LATS1: variants seen among roughly 807,000 people sequenced by gnomAD.
LATS1 encodes large tumor suppressor kinase 1.
LATS1 carries 25 observed loss-of-function variants against 106.6 expected under a neutral mutation model. That is an observed-to-expected ratio of 0.23 (90% CI 0.17 to 0.33). The LOEUF (loss-of-function observed/expected upper bound fraction) is 0.33, where lower values mean the gene tolerates loss of function less well. LATS1 is among the 10% of genes least tolerant of loss of function. The pLI, the probability that LATS1 is intolerant of heterozygous loss-of-function variation, is 1.00. For missense variants in LATS1, 1,040 were observed against 1,382.6 expected, an observed-to-expected ratio of 0.75 and a Z score of 3.93; for synonymous variants, 465 against 455.6, an observed-to-expected ratio of 1.02 and a Z score of -0.26.
rs536374549 is a variant in LATS1, at chr6:149,661,320, G to A, written c.*409C>T. 2.1e-5 allele frequency: 5 copies of A among 234,302 alleles called. No individual in the cohort carries two copies. The highest frequency in any genetic ancestry group is 1.1e-4 in the African/African-American group (5 of 45,244). 14.5% of individuals were successfully genotyped at this position (234,302 alleles called of 1,614,324 possible). ...AAAAAAGAGCTCTGTAAAATAGGGGGTATGTTTCATATTTGGTTAAAGCAA... is the reference window on the plus strand; with the variant it reads ...AAAAAAGAGCTCTGTAAAATAGGGGATATGTTTCATATTTGGTTAAAGCAA... On this transcript the variant is annotated 3_prime_UTR_variant, in exon 8 of 8. Transcript: ENST00000543571.
rs1311547992 is a variant in LATS1 at position 149,683,916 on chromosome 6, T to C, written c.1173A>G (p.Thr391=). The C allele has an allele frequency of 4.3e-6, 7 of 1,613,862 alleles. No individual in the cohort carries two copies. The highest frequency in any genetic ancestry group is 5.1e-6 in the Non-Finnish European group (6 of 1,179,936). Residue 391 remains threonine, a synonymous_variant, in exon 4 of 8, where the codon ACA becomes ACG. Coordinates refer to ENST00000543571, the MANE Select transcript of LATS1 (RefSeq NM_004690.4). The part of the protein sequence containing the change: ...ANGQSPSALQ[T]GGSAAPSSYT... ...ATGACGAAGGAGCAGCAGATCCCCC[T>C]GTTTGTAAAGCAGAAGGGCTTTGTC... is the stretch of plus-strand genomic sequence containing the variant.
At chr6:149,677,638 G>A (rs961361593) in intron 5 of LATS1, among the ~76,000 whole-genome samples, 1 of 152,172 alleles carries the variant, frequency 6.6e-6, no homozygotes, top group South Asian at 2.1e-4. Context: ...GAGAAATTAC[G>A]AATTTCAGAG....
chr6:149,689,418 C>CA (rs35702198), intron 3 of LATS1, among the ~76,000 whole-genome samples: 54,298 of 132,162 alleles, frequency 0.41, 10,862 homozygotes, highest in East Asian at 0.79. Context: ...ATGCCTGTCT[C>CA]AAAAAAAAAA....
intron 3 of LATS1, among the ~76,000 whole-genome samples, chr6:149,691,594 C>T (rs990588947): frequency 2.6e-5 from 4 of 152,130 alleles, no homozygotes; most frequent in Admixed American, 1.3e-4. Flanking sequence ...CACTGAAAAC[C>T]TTATTGGTTT....
Position 149,661,520 on chromosome 6 carries a change from A to C in LATS1, c.*209T>G. 2.2e-6 allele frequency: 1 copy of C among 446,390 alleles called. No individual in the cohort carries two copies. 27.7% of individuals were successfully genotyped at this position (446,390 alleles called of 1,614,324 possible). On this transcript the variant is annotated 3_prime_UTR_variant, in exon 8 of 8. Coordinates refer to ENST00000543571, the MANE Select transcript of LATS1 (RefSeq NM_004690.4). ...ATTCAGTTCATAATTTACTTTCCTT[A>C]TAACAATTTTTTTCTAAATACTGAT...
chr6:149,711,628 C>T (rs1266881916), intron 1 of LATS1, among the ~76,000 whole-genome samples: 1 of 152,220 alleles, frequency 6.6e-6, no homozygotes, highest in East Asian at 1.9e-4. Flanking sequence ...ATTTAAAACC[C>T]TTGGGTCCCC....
rs1311547992 is a variant in LATS1, at chr6:149,683,916, T to G, written c.1173A>C (p.Thr391=). ...ATGACGAAGGAGCAGCAGATCCCCC[T>G]GTTTGTAAAGCAGAAGGGCTTTGTC... The part of the protein sequence containing the change: ...ANGQSPSALQ[T]GGSAAPSSYT... Residue 391 remains threonine (T), a synonymous_variant, in exon 4 of 8, where the codon ACA becomes ACC. Transcript: ENST00000543571. 32 of 1,613,980 alleles carry G rather than the reference T, an allele frequency of 2.0e-5. No individual in the cohort carries two copies. Among genetic ancestry groups the G allele is most frequent in the Non-Finnish European group, 2.6e-5 (31 of 1,179,928 alleles).
At chr6:149,700,869 T>A (rs975538258) in intron 2 of LATS1, among the ~76,000 whole-genome samples, 13 of 152,208 alleles carry the variant, frequency 8.5e-5, no homozygotes, top group Non-Finnish European at 1.5e-4. Context: ...CTGTAACCTC[T>A]GCCTCCCGGG....
chr6:149,680,638 G>A (rs189680692), intron 4 of LATS1, among the ~76,000 whole-genome samples, 181 bp from the exon 5 acceptor site: 3 of 151,040 alleles, frequency 2.0e-5, no homozygotes, highest in African/African-American at 4.9e-5. Flanking sequence ...AGCCTAAGGG[G>A]TAGTTAAAAG....
chr6:149,709,067 T>C (rs1582927456), intron 1 of LATS1, among the ~76,000 whole-genome samples: 1 of 152,260 alleles, frequency 6.6e-6, no homozygotes, highest in East Asian at 1.9e-4. Flanking sequence ...GGCTAACTGA[T>C]GTAAACCAAA....
chr6:149,704,479 G>A (rs941061557), intron 1 of LATS1, among the ~76,000 whole-genome samples: 7 of 144,326 alleles, frequency 4.9e-5, no homozygotes, highest in Non-Finnish European at 1.1e-4. Context: ...GGTAAACTTA[G>A]GGGTTTTTTT....
At chr6:149,716,688 T>C (rs1016200344) in intron 1 of LATS1, among the ~76,000 whole-genome samples, 1 of 152,212 alleles carries the variant, frequency 6.6e-6, no homozygotes, top group African/African-American at 2.4e-5. Context: ...CATCAATATT[T>C]AGGCATAGAA....
intron 3 of LATS1, among the ~76,000 whole-genome samples, chr6:149,689,183 T>C (rs1782578719): frequency 6.6e-6 from 1 of 150,828 alleles, no homozygotes; most frequent in Admixed American, 6.6e-5. Context: ...AAAAAAAGAC[T>C]GCATAAAGGT....
chr6:149,682,106 G>T (rs1227979736), intron 4 of LATS1, among the ~76,000 whole-genome samples: 1 of 121,506 alleles, frequency 8.2e-6, no homozygotes, highest in Admixed American at 9.9e-5. Flanking sequence ...GTGAGATGTC[G>T]TCTCAAAAAA....
At position 149,717,999 on chromosome 6, in the gene LATS1, T is replaced by G. The variant is rs1229506698; in HGVS notation, c.-291A>C. 2 of 363,752 alleles carry G rather than the reference T, an allele frequency of 5.5e-6. No individual in the cohort carries two copies. Among genetic ancestry groups the G allele is most frequent in the Non-Finnish European group, 1.1e-5 (2 of 189,696 alleles). The allele number at this position is 363,752 out of a possible 1,614,324, so 22.5% of individuals were successfully genotyped here. On this transcript the variant is annotated 5_prime_UTR_variant, in exon 1 of 8. Transcript: ENST00000543571. ...GGCTGCCGCGGGCCAGCGCGGCCCGTCCCAGGGGTCGTGAGGACCTGGCTC... is the reference window on the plus strand; with the variant it reads ...GGCTGCCGCGGGCCAGCGCGGCCCGGCCCAGGGGTCGTGAGGACCTGGCTC...
At chr6:149,680,569 T>A (rs1781980535) in intron 4 of LATS1, 112 bp from the exon 5 acceptor site, 1 of 715,476 alleles carries the variant, frequency 1.4e-6, no homozygotes, top group African/African-American at 1.8e-5. Context: ...GCATAATTTT[T>A]AATAAAGCAT....
intron 3 of LATS1, 37 bp from the exon 4 acceptor site, chr6:149,684,629 A>G (rs1782262260): frequency 2.1e-6 from 3 of 1,454,364 alleles, no homozygotes; most frequent in Non-Finnish European, 2.8e-6. Context: ...AAAAAGAATC[A>G]TGTTTTTAAC....
intron 7 of LATS1, chr6:149,675,940 C>T (rs1282735067): frequency 3.7e-6 from 1 of 268,384 alleles, no homozygotes; most frequent in Non-Finnish European, 7.2e-6. Context: ...GATATGGCAT[C>T]ATGGAGACTG....
intron 2 of LATS1, among the ~76,000 whole-genome samples, chr6:149,698,325 C>G (rs1238926193): frequency 6.6e-6 from 1 of 151,412 alleles, no homozygotes; most frequent in Non-Finnish European, 1.5e-5. Context: ...CTCATTGCGA[C>G]CCAATCTCCT....
Sources: gnomAD v4.1 joint callset for allele counts (sites outside exome capture counted in the v4.1 genomes callset) on GRCh38, gnomAD v4.1.1 for gene constraint, MANE v1.5 for transcripts, NCBI Gene and HGNC (gene_info 2026-07-23, HGNC 2026-07-21) for gene names.